AKT2: variants seen among roughly 807,000 people sequenced by gnomAD.
AKT2 encodes AKT serine/threonine kinase 2.
Under a neutral mutation model 58.6 loss-of-function variants are expected in AKT2, and 16 were observed. That is an observed-to-expected ratio of 0.27 (90% CI 0.18 to 0.41). The LOEUF (loss-of-function observed/expected upper bound fraction) is 0.41. Among genes scored for constraint, AKT2 ranks in the 10% least tolerant of loss-of-function variants. AKT2 has a pLI of 1.00. For synonymous variants in AKT2, 253 were observed against 254.0 expected, an observed-to-expected ratio of 1.00 and a Z score of 0.04; for missense variants, 438 against 661.0, an observed-to-expected ratio of 0.66 and a Z score of 3.70.
chr19:40,265,141 C>T (rs1308411162), intron 2 of AKT2, 81 bp downstream of exon 2: 90 of 1,558,552 alleles, frequency 5.8e-5, no homozygotes, highest in Non-Finnish European at 7.2e-5. Context: ...TAAGACCCTC[C>T]GCCTCTGCCT....
In AKT2 at chr19:40,242,431, G is replaced by C; in HGVS notation, c.441+103C>G. The C allele has an allele frequency of 2.6e-6, 4 of 1,549,500 alleles. No individual in the cohort carries two copies. Among genetic ancestry groups the C allele is most frequent in the Non-Finnish European group, 3.5e-6 (4 of 1,133,134 alleles). On this transcript the variant is annotated intron_variant, in intron 5 of 13. Coordinates refer to ENST00000392038, the MANE Select transcript of AKT2 (RefSeq NM_001626.6). The surrounding 1 kb of genome is among the most constrained non-coding windows in gnomAD (Gnocchi z 4.3). Reference sequence around the variant, plus strand: ...CCCTGCAGGGCAGCCTTGTCTCTCAGCTGAGCCCCCTGAACTGTGTTATGG... The same window carrying C: ...CCCTGCAGGGCAGCCTTGTCTCTCACCTGAGCCCCCTGAACTGTGTTATGG...
intron 9 of AKT2, chr19:40,236,608 G>A (rs959438071): frequency 4.9e-6 from 3 of 615,160 alleles, no homozygotes; most frequent in Non-Finnish European, 5.7e-6. Context: ...CAGCTGGGCA[G>A]GGAGAGCCGA....
Position 40,233,587 on chromosome 19 carries a change from T to G in AKT2, c.*285A>C. 7 of 696,882 alleles carry G rather than the reference T, an allele frequency of 1.0e-5. No individual in the cohort carries two copies. Among genetic ancestry groups the G allele is most frequent in the Non-Finnish European group, 8.0e-6 (3 of 373,092 alleles). 43.2% of individuals were successfully genotyped at this position (696,882 alleles called of 1,614,324 possible). The stretch of plus-strand genomic sequence containing the variant: ...CCATGCTTCACCCCTCACTGGGGCT[T>G]GTGTGGATTAAAACCTGAATCTCCA... On this transcript the variant is annotated 3_prime_UTR_variant, in exon 14 of 14. Coordinates refer to ENST00000392038, the MANE Select transcript of AKT2 (RefSeq NM_001626.6). The surrounding 1 kb of genome is among the most constrained non-coding windows in gnomAD (Gnocchi z 4.3).
intron 1 of AKT2, 192 bp downstream of exon 1, chr19:40,284,989 C>T (rs2077487960): frequency 2.7e-6 from 1 of 371,630 alleles, no homozygotes; most frequent in Non-Finnish European, 4.8e-6. Context: ...TGGCCCGCCG[C>T]CACCGCCCCG....
Position 40,260,628 on chromosome 19 carries a change from C to CAAAAAAAAAA in AKT2, c.47-3584_47-3575dup, listed in dbSNP as rs34124347. On this transcript the variant is annotated intron_variant, in intron 2 of 13. Transcript: ENST00000392038. ...CTGGTGACAGAGTGAGATTCCATCTCAAAAAAAAAAAAAAAAAAAAAAAAA... is the reference window on the plus strand; with the variant it reads ...CTGGTGACAGAGTGAGATTCCATCTCAAAAAAAAAAAAAAAAAAAAAAAAAAAAAAAAAAA... Among the ~76,000 whole-genome samples, 10 of 25,006 alleles carry CAAAAAAAAAA rather than the reference C, an allele frequency of 4.0e-4. 1 individual carries two copies. Among genetic ancestry groups the CAAAAAAAAAA allele is most frequent in the Non-Finnish European group, 5.0e-4 (8 of 16,114 alleles). 16.4% of individuals were successfully genotyped at this position (25,006 alleles called of 152,430 possible). A position where few individuals can be genotyped will look rare whatever the true frequency, so the allele number is the denominator to read the frequency against.
At chr19:40,263,927 C>T (rs1345570075) in intron 2 of AKT2, among the ~76,000 whole-genome samples, 3 of 152,228 alleles carry the variant, frequency 2.0e-5, no homozygotes, top group African/African-American at 4.8e-5. Context: ...CTCAGCGAAG[C>T]CCCCTCTGGC....
intron 6 of AKT2, among the ~76,000 whole-genome samples, chr19:40,240,639 G>A (rs1032967295): frequency 6.6e-6 from 1 of 152,150 alleles, no homozygotes; most frequent in Non-Finnish European, 1.5e-5. Context: ...TCTAATTCAG[G>A]TTCTAATTTG....
At position 40,238,926 on chromosome 19, in the gene AKT2, C is replaced by T; in HGVS notation, c.687G>A (p.Met229Ile). 6.2e-7 allele frequency: 1 copy of T among 1,614,056 alleles called. No homozygotes were observed. The highest frequency in any genetic ancestry group is 8.5e-7 in the Non-Finnish European group (1 of 1,179,996). ...TCACCTCACCCCCGTTGGCATACTCCATCACAAAGCACAGGCGGTCGTGGG... is the reference window on the plus strand; with the variant it reads ...TCACCTCACCCCCGTTGGCATACTCTATCACAAAGCACAGGCGGTCGTGGG... ...FQTHDRLCFV[M>I]EYANGGELFF... Residue 229 changes from methionine to isoleucine, a missense_variant, in exon 8 of 14, where the codon ATG becomes ATA. Coordinates refer to ENST00000392038, the MANE Select transcript of AKT2 (RefSeq NM_001626.6). The surrounding 1 kb of genome is among the most constrained non-coding windows in gnomAD (Gnocchi z 5.1).
In AKT2 at chr19:40,265,296, C is replaced by T. The variant is rs1328803691; in HGVS notation, c.-29G>A. 6.2e-7 allele frequency: 1 copy of T among 1,609,568 alleles called. No individual in the cohort carries two copies. Among genetic ancestry groups the T allele is most frequent in the Admixed American group, 1.7e-5 (1 of 59,378 alleles). On this transcript the variant is annotated 5_prime_UTR_variant, in exon 2 of 14. Coordinates refer to ENST00000392038, the MANE Select transcript of AKT2 (RefSeq NM_001626.6). ...GGCAGCGTGGTACGCTGTCACCTAGCTCGGGACAGCTCAGGGCAGCAGGAC... is the reference window on the plus strand; with the variant it reads ...GGCAGCGTGGTACGCTGTCACCTAGTTCGGGACAGCTCAGGGCAGCAGGAC...
intron 2 of AKT2, among the ~76,000 whole-genome samples, chr19:40,261,736 A>G (rs1250875937): frequency 6.6e-6 from 1 of 152,180 alleles, no homozygotes; most frequent in Non-Finnish European, 1.5e-5. Context: ...GAACTAAGAC[A>G]TAGGATACAA....
At chr19:40,271,319 T>C (rs1281529861) in intron 1 of AKT2, among the ~76,000 whole-genome samples, 4 of 145,110 alleles carry the variant, frequency 2.8e-5, no homozygotes, top group South Asian at 4.4e-4. Context: ...TTCAGGTACC[T>C]GGGAGGCTGA....
chr19:40,268,409 G>A (rs369706320), intron 1 of AKT2, among the ~76,000 whole-genome samples: 2 of 152,232 alleles, frequency 1.3e-5, no homozygotes, highest in Non-Finnish European at 2.9e-5. Context: ...AGGCAGCCAG[G>A]TATGGCCAAG....
chr19:40,240,078 C>T lies in AKT2; in HGVS notation c.606G>A (p.Arg202=), dbSNP rs571234560. The stretch of plus-strand genomic sequence containing the variant: ...ACGGGTGCCTGGTGTTCTGGAGGAC[C>T]CGGCTCTCGGTGACTGTGTGAGCGA... ...DEVAHTVTES[R]VLQNTRHPFL... is the part of the protein sequence containing the mutation. The change falls in exon 7 of 14, where the codon CGG becomes CGA. Residue 202 remains arginine (R), a synonymous_variant. Transcript: ENST00000392038. The T allele has an allele frequency of 5.5e-5, 88 of 1,614,018 alleles. 1 individual carries two copies. The South Asian group carries it at 8.6e-4, about 16-fold the overall frequency.
rs73555594 is a variant in AKT2, at chr19:40,270,287, G to A, written c.-84-4936C>T. Reference sequence around the variant, plus strand: ...ACCACCCACACTGGAATGTCAGCACGACAAAGGCAGGACTCTTGGCTGCCT... The same window carrying A: ...ACCACCCACACTGGAATGTCAGCACAACAAAGGCAGGACTCTTGGCTGCCT... On this transcript the variant is annotated intron_variant, in intron 1 of 13. Coordinates refer to ENST00000392038, the MANE Select transcript of AKT2 (RefSeq NM_001626.6). 2.0e-3 allele frequency among the ~76,000 whole-genome samples: 308 copies of A among 152,296 alleles called. 1 individual carries two copies. The highest frequency in any genetic ancestry group is 7.2e-3 in the African/African-American group (298 of 41,562).
Position 40,235,961 on chromosome 19 carries a change from G to A in AKT2, c.1104C>T (p.Arg368=). 1 of 1,614,042 alleles carries A rather than the reference G, an allele frequency of 6.2e-7. No individual in the cohort carries two copies. Among genetic ancestry groups the A allele is most frequent in the South Asian group, 1.1e-5 (1 of 91,088 alleles). The change falls in exon 11 of 14, where the codon CGC becomes CGT. Residue 368 remains arginine (R), a synonymous_variant. Transcript: ENST00000392038. The surrounding 1 kb of genome is among the most constrained non-coding windows in gnomAD (Gnocchi z 6.3). ...LFELILMEEI[R]FPRTLSPEAK... ...CCTCGGGGCTGAGCGTGCGCGGGAA[G>A]CGGATCTCTTCCATGAGGATGAGCT... is the stretch of plus-strand genomic sequence containing the variant.
rs892715068 is a variant in AKT2 at position 40,285,327 on chromosome 19, G to A, written c.-231C>T. The A allele has an allele frequency of 2.5e-6, 1 of 393,932 alleles. No individual in the cohort carries two copies. Among genetic ancestry groups the A allele is most frequent in the Non-Finnish European group, 4.5e-6 (1 of 223,158 alleles). The allele number at this position is 393,932 out of a possible 1,614,324, so 24.4% of individuals were successfully genotyped here. A position where few individuals can be genotyped will look rare whatever the true frequency, so the allele number is the denominator to read the frequency against. The stretch of plus-strand genomic sequence containing the variant: ...GGCGGCGACGCCTCCTCCGAGGCAG[G>A]CCCAACGGCTAGCACGGCGCGGCCC... On this transcript the variant is annotated 5_prime_UTR_variant, in exon 1 of 14. Transcript: ENST00000392038.
intron 7 of AKT2, chr19:40,239,191 C>T (rs956137634): frequency 1.9e-6 from 1 of 538,582 alleles, no homozygotes; most frequent in African/African-American, 1.9e-5. Flanking sequence ...CATGCTGAAC[C>T]ATCTTGTCCT....
intron 4 of AKT2, among the ~76,000 whole-genome samples, chr19:40,254,420 T>G (rs1211872707): frequency 1.3e-5 from 2 of 151,452 alleles, no homozygotes; most frequent in Non-Finnish European, 2.9e-5. Flanking sequence ...CCCAGCTACT[T>G]GGGAGGCTGA....
chr19:40,234,938 A>C lies in AKT2; in HGVS notation c.1366+107T>G, dbSNP rs531271559. On this transcript the variant is annotated intron_variant, in intron 13 of 13. Transcript: ENST00000392038. This position sits in a 1 kb window ranked among gnomAD's most constrained non-coding sequence, Gnocchi z 4.7. Reference sequence around the variant, plus strand: ...GCAGACTTGGGGAAATCTCCCAGACATGAAGCGGGGGCCTTCGAGGGCCCT... The same window carrying C: ...GCAGACTTGGGGAAATCTCCCAGACCTGAAGCGGGGGCCTTCGAGGGCCCT... 7 of 1,035,538 alleles carry C rather than the reference A, an allele frequency of 6.8e-6. No individual in the cohort carries two copies. In the East Asian group the frequency reaches 1.5e-4, roughly 22 times the overall value. The allele number at this position is 1,035,538 out of a possible 1,614,324, so 64.1% of individuals were successfully genotyped here.
Sources: gnomAD v4.1 joint callset for allele counts (sites outside exome capture counted in the v4.1 genomes callset) on GRCh38, gnomAD v4.1.1 for gene constraint, Gnocchi (gnomAD v3.1) non-coding constraint, MANE v1.5 for transcripts, NCBI Gene and HGNC (gene_info 2026-07-23, HGNC 2026-07-21) for gene names.